Variants in PTCHD4 observed in about 807,000 individuals in gnomAD.
The protein encoded by PTCHD4 is patched domain containing 4.
Under a neutral mutation model 58.1 loss-of-function variants are expected in PTCHD4, and 33 were observed. That is an observed-to-expected ratio of 0.57 (90% CI 0.43 to 0.76). The LOEUF is 0.76. PTCHD4 is among the 30% of genes least tolerant of loss of function. The pLI is 0.00. For missense variants in PTCHD4, 1,058 were observed against 1,027.1 expected, an observed-to-expected ratio of 1.03 and a Z score of -0.41; for synonymous variants, 478 against 409.6, an observed-to-expected ratio of 1.17 and a Z score of -2.02.
At chr6:48,081,937 C>T (rs1369959842) in intron 1 of PTCHD4, among the ~76,000 whole-genome samples, 1 of 152,156 alleles carries the variant, frequency 6.6e-6, no homozygotes, top group African/African-American at 2.4e-5. Context: ...GACTGAGGTC[C>T]AGGGTTTAGG....
chr6:48,056,952 A>G (rs1764427209), intron 3 of PTCHD4, among the ~76,000 whole-genome samples: 1 of 152,234 alleles, frequency 6.6e-6, no homozygotes, highest in Non-Finnish European at 1.5e-5. Flanking sequence ...TCAGATAAGT[A>G]AAGAATGCAA....
chr6:47,876,575 T>C lies in PTCHD4; in HGVS notation c.*1728A>G, dbSNP rs1336222361. On this transcript the variant is annotated 3_prime_UTR_variant, in exon 5 of 5. Coordinates refer to ENST00000339488, the MANE Select transcript of PTCHD4 (RefSeq NM_001384253.1). The stretch of plus-strand genomic sequence containing the variant: ...GTTTGTACCTTTTTTCTGAACATAA[T>C]TGAGTCAAGGAGTTTTGTTATTTTA... Among the ~76,000 whole-genome samples, 3 of 151,958 alleles carry C rather than the reference T, an allele frequency of 2.0e-5. No individual in the cohort carries two copies. Among genetic ancestry groups the C allele is most frequent in the African/African-American group, 7.2e-5 (3 of 41,404 alleles).
At chr6:48,076,142 A>G (rs893915886) in intron 1 of PTCHD4, among the ~76,000 whole-genome samples, 5 of 152,246 alleles carry the variant, frequency 3.3e-5, no homozygotes, top group Non-Finnish European at 7.3e-5. Context: ...TGCCATCTCA[A>G]TAAACCACTT....
intron 4 of PTCHD4, among the ~76,000 whole-genome samples, chr6:47,923,560 T>C (rs1324504508): frequency 2.0e-5 from 3 of 152,222 alleles, no homozygotes; most frequent in African/African-American, 7.2e-5. Context: ...TTGTTTTTGT[T>C]TTCCACACTT....
rs1446494627 is a variant in PTCHD4, at chr6:47,952,462, GT to G, written c.898+56171del. ...ACAAAGTATATACTCAGTGGTAAAT[GT>G]TTGCTAAATTAACTGTAGAATAAGT... On this transcript the variant is annotated intron_variant, in intron 4 of 4. Coordinates refer to ENST00000339488, the MANE Select transcript of PTCHD4 (RefSeq NM_001384253.1). Among the ~76,000 whole-genome samples the G allele has an allele frequency of 2.0e-5, 3 of 152,114 alleles. No homozygotes were observed. The East Asian group carries it at 5.8e-4, about 29-fold the overall frequency.
At chr6:48,000,436 C>A (rs1050463254) in intron 4 of PTCHD4, among the ~76,000 whole-genome samples, 2 of 152,134 alleles carry the variant, frequency 1.3e-5, no homozygotes, top group African/African-American at 4.8e-5. Context: ...AAAACAGCAA[C>A]CATGTTTACT....
rs543500567 is a variant in PTCHD4, at chr6:47,858,137, G to C, written c.*20166C>G. Among the ~76,000 whole-genome samples the C allele has an allele frequency of 3.3e-5, 5 of 152,084 alleles. No individual in the cohort carries two copies. Among genetic ancestry groups the C allele is most frequent in the Non-Finnish European group, 7.4e-5 (5 of 67,930 alleles). On this transcript the variant is annotated 3_prime_UTR_variant, in exon 5 of 5. Coordinates refer to ENST00000339488, the MANE Select transcript of PTCHD4 (RefSeq NM_001384253.1). Reference sequence around the variant, plus strand: ...ACATTCCCTGGAAAGTGTTTGGTTAGAAATTATATAGCAAGTGAGAGCTCT... The same window carrying C: ...ACATTCCCTGGAAAGTGTTTGGTTACAAATTATATAGCAAGTGAGAGCTCT...
intron 3 of PTCHD4, among the ~76,000 whole-genome samples, chr6:48,056,893 G>T (rs1188717478): frequency 6.6e-6 from 1 of 152,158 alleles, no homozygotes. Flanking sequence ...AGCTCTCATG[G>T]TGCCATTTTT....
At chr6:48,048,556 C>G (rs1764119805) in intron 3 of PTCHD4, among the ~76,000 whole-genome samples, 1 of 151,892 alleles carries the variant, frequency 6.6e-6, no homozygotes, top group Non-Finnish European at 1.5e-5. Flanking sequence ...ACAGCTTCCC[C>G]TAAGGCTGTG....
chr6:47,879,609 G>A lies in PTCHD4; in HGVS notation c.1226C>T (p.Ala409Val). The A allele has an allele frequency of 6.2e-7, 1 of 1,613,682 alleles. No homozygotes were observed. The highest frequency in any genetic ancestry group is 8.5e-7 in the Non-Finnish European group (1 of 1,179,764). Residue 409 changes from alanine to valine, a missense_variant, in exon 5 of 5, where the codon GCA (alanine) becomes GTA (valine). Transcript: ENST00000339488. ...CACAGGTTTGCGATCCAGGTATTCT[G>A]CAGAAGGGATCTTACAGCAAAAGAT... ...HSIFCCKIPS[A>V]EYLDRKPVWF...
intron 4 of PTCHD4, among the ~76,000 whole-genome samples, chr6:47,930,494 T>A (rs1395429993): frequency 6.6e-6 from 1 of 152,232 alleles, no homozygotes; most frequent in Non-Finnish European, 1.5e-5. Flanking sequence ...TATTTCTATG[T>A]ATTCCTAGGC....
rs1216572954 is a variant in PTCHD4, at chr6:47,864,181, T to C, written c.*14122A>G. On this transcript the variant is annotated 3_prime_UTR_variant, in exon 5 of 5. Transcript: ENST00000339488. ...AAATTTTCAGGCCTCACTCCAGATCTATTGAATCAGAACCTCTGGAGATGG... is the reference window on the plus strand; with the variant it reads ...AAATTTTCAGGCCTCACTCCAGATCCATTGAATCAGAACCTCTGGAGATGG... Among the ~76,000 whole-genome samples, 1 of 151,958 alleles carries C rather than the reference T, an allele frequency of 6.6e-6. No individual in the cohort carries two copies. The highest frequency in any genetic ancestry group is 2.4e-5 in the African/African-American group (1 of 41,416).
At chr6:47,931,045 A>G (rs1270809637) in intron 4 of PTCHD4, among the ~76,000 whole-genome samples, 1 of 152,222 alleles carries the variant, frequency 6.6e-6, no homozygotes, top group African/African-American at 2.4e-5. Context: ...TCGGCCTCCC[A>G]AAGTGCTGGG....
intron 4 of PTCHD4, among the ~76,000 whole-genome samples, chr6:47,937,620 A>T (rs542338900): frequency 3.0e-4 from 45 of 152,296 alleles, no homozygotes; most frequent in African/African-American, 1.0e-3. Context: ...GAGGTTCAGG[A>T]CATAGGTTTG....
intron 4 of PTCHD4, among the ~76,000 whole-genome samples, chr6:47,898,145 C>T (rs186688832): frequency 5.5e-4 from 84 of 151,822 alleles, no homozygotes; most frequent in African/African-American, 1.9e-3. Context: ...GGAGTTTCAC[C>T]GTGTTAGCCA....
At chr6:48,009,967 G>A (rs764418406) in intron 3 of PTCHD4, among the ~76,000 whole-genome samples, 1 of 152,174 alleles carries the variant, frequency 6.6e-6, no homozygotes, top group Non-Finnish European at 1.5e-5. Flanking sequence ...ACATGTATGT[G>A]GCCGAAGAGT....
intron 4 of PTCHD4, chr6:47,901,509 G>A (rs1416202551): frequency 4.0e-5 from 39 of 984,702 alleles, no homozygotes; most frequent in Non-Finnish European, 1.2e-6. Context: ...ATTTAGGAAA[G>A]TACCTATATG....
At chr6:47,936,257 T>C (rs1260849765) in intron 4 of PTCHD4, among the ~76,000 whole-genome samples, 2 of 152,200 alleles carry the variant, frequency 1.3e-5, no homozygotes, top group Non-Finnish European at 2.9e-5. Context: ...GAGACATATC[T>C]TGAAGTTCTA....
chr6:48,060,340 C>T (rs1353839307), intron 3 of PTCHD4, among the ~76,000 whole-genome samples: 1 of 152,192 alleles, frequency 6.6e-6, no homozygotes, highest in Non-Finnish European at 1.5e-5. Flanking sequence ...AACTTTGAGG[C>T]TGAACCCTTA....
Sources: gnomAD v4.1 joint callset for allele counts (sites outside exome capture counted in the v4.1 genomes callset) on GRCh38, gnomAD v4.1.1 for gene constraint, MANE v1.5 for transcripts, NCBI Gene and HGNC (gene_info 2026-07-23, HGNC 2026-07-21) for gene names.